Variants in HCN1 observed in about 807,000 individuals in gnomAD.
The protein encoded by HCN1 is potassium/sodium hyperpolarization-activated cyclic nucleotide-gated channel 1.
A neutral mutation model predicts 78.9 loss-of-function variants in HCN1; 13 were observed. The observed-to-expected ratio is 0.16, with a 90% CI of 0.11 to 0.26. The LOEUF (loss-of-function observed/expected upper bound fraction) is 0.26. Ranked by LOEUF, HCN1 falls within the 10% of genes least tolerant of loss-of-function variation. The pLI, the probability that HCN1 is intolerant of heterozygous loss-of-function variation, is 1.00. For synonymous variants in HCN1, 552 were observed against 455.5 expected, an observed-to-expected ratio of 1.21 and a Z score of -2.70; for missense variants, 810 against 1,154.3, an observed-to-expected ratio of 0.70 and a Z score of 4.32.
chr5:45,465,954 A>G (rs1741262629), intron 2 of HCN1, among the ~76,000 whole-genome samples: 1 of 152,144 alleles, frequency 6.6e-6, no homozygotes. Flanking sequence ...AATTTTATTT[A>G]GTTGGAGTCC....
intron 3 of HCN1, among the ~76,000 whole-genome samples, chr5:45,440,847 A>G (rs1490326949): frequency 2.0e-5 from 3 of 152,196 alleles, no homozygotes; most frequent in African/African-American, 7.2e-5. Context: ...AGCCTCATTT[A>G]GCTTTTCACT....
intron 1 of HCN1, among the ~76,000 whole-genome samples, chr5:45,692,145 C>A (rs1184044347): frequency 6.6e-6 from 1 of 152,078 alleles, no homozygotes; most frequent in Non-Finnish European, 1.5e-5. Flanking sequence ...ATAAATTCTT[C>A]CAAGATAAAT....
At chr5:45,310,398 A>C (rs1243633619) in intron 5 of HCN1, among the ~76,000 whole-genome samples, 1 of 152,180 alleles carries the variant, frequency 6.6e-6, no homozygotes, top group African/African-American at 2.4e-5. Flanking sequence ...CATGTGGCCA[A>C]CAAGCATATG....
intron 2 of HCN1, 53 bp from the exon 3 acceptor site, chr5:45,462,060 A>G: frequency 7.1e-7 from 1 of 1,415,086 alleles, no homozygotes; most frequent in Non-Finnish European, 9.9e-7. Flanking sequence ...TAGAAAAATC[A>G]AGCATACTAC....
At chr5:45,595,694 A>G (rs564504879) in intron 2 of HCN1, among the ~76,000 whole-genome samples, 12 of 152,174 alleles carry the variant, frequency 7.9e-5, no homozygotes, top group African/African-American at 2.4e-4. Context: ...CTTCCCCTTA[A>G]GGAGCTATAT....
At chr5:45,341,696 G>T (rs907356714) in intron 5 of HCN1, among the ~76,000 whole-genome samples, 1 of 152,160 alleles carries the variant, frequency 6.6e-6, no homozygotes, top group Non-Finnish European at 1.5e-5. Flanking sequence ...GGTAAAGGCT[G>T]CAGTGAGCTA....
chr5:45,554,750 T>A (rs1352040485), intron 2 of HCN1, among the ~76,000 whole-genome samples: 1 of 151,716 alleles, frequency 6.6e-6, no homozygotes, highest in Non-Finnish European at 1.5e-5. Flanking sequence ...GTATGTGAAA[T>A]TTTGCTAAGG....
intron 6 of HCN1, among the ~76,000 whole-genome samples, chr5:45,287,719 C>T (rs758882399): frequency 2.6e-5 from 4 of 152,038 alleles, no homozygotes; most frequent in African/African-American, 2.4e-5. Context: ...CACACACACA[C>T]ATTGATATAG....
chr5:45,301,715 T>C (rs979725429), intron 6 of HCN1, among the ~76,000 whole-genome samples: 59 of 138,816 alleles, frequency 4.3e-4, no homozygotes, highest in African/African-American at 1.6e-3. Context: ...AGAGATACCC[T>C]GTCATTTAAA....
intron 2 of HCN1, among the ~76,000 whole-genome samples, chr5:45,583,236 T>C (rs997430737): frequency 3.3e-5 from 5 of 152,220 alleles, no homozygotes; most frequent in African/African-American, 1.2e-4. Flanking sequence ...ATTCAACTTC[T>C]TACTGGTTTA....
chr5:45,597,396 C>T (rs1042995234), intron 2 of HCN1, among the ~76,000 whole-genome samples: 6 of 152,260 alleles, frequency 3.9e-5, no homozygotes, highest in Non-Finnish European at 8.8e-5. Context: ...TCTCAATAAA[C>T]TAGGTATTGA....
At chr5:45,496,203 A>G (rs1167674007) in intron 2 of HCN1, among the ~76,000 whole-genome samples, 1 of 152,150 alleles carries the variant, frequency 6.6e-6, no homozygotes, top group African/African-American at 2.4e-5. Flanking sequence ...TACCTGTGGT[A>G]GAATTTGGCT....
chr5:45,641,662 C>T (rs1427093487), intron 2 of HCN1: 1 of 152,080 alleles, frequency 6.6e-6, no homozygotes, highest in Non-Finnish European at 1.5e-5. Context: ...TTATCTATGA[C>T]ATTAAGTCCT....
chr5:45,545,913 T>C (rs1033776268), intron 2 of HCN1, among the ~76,000 whole-genome samples: 2 of 152,014 alleles, frequency 1.3e-5, no homozygotes, highest in African/African-American at 2.4e-5. Flanking sequence ...GTGTTTTAGC[T>C]TCATTCAGAA....
intron 2 of HCN1, among the ~76,000 whole-genome samples, chr5:45,548,101 C>T (rs1743266732): frequency 1.3e-5 from 2 of 151,740 alleles, no homozygotes; most frequent in African/African-American, 4.8e-5. Flanking sequence ...CTACTAATTT[C>T]CTTTATTCAG....
At chr5:45,649,345 A>G (rs183000770) in intron 1 of HCN1, among the ~76,000 whole-genome samples, 1 of 152,128 alleles carries the variant, frequency 6.6e-6, no homozygotes, top group Non-Finnish European at 1.5e-5. Flanking sequence ...CTACACATAT[A>G]TAGTCCCTCC....
chr5:45,464,592 G>A (rs927207776), intron 2 of HCN1, among the ~76,000 whole-genome samples: 2 of 152,102 alleles, frequency 1.3e-5, no homozygotes, highest in African/African-American at 4.8e-5. Flanking sequence ...TAATAGCAGA[G>A]GCAAATTTCA....
At chr5:45,429,934 A>G (rs1267858688) in intron 3 of HCN1, among the ~76,000 whole-genome samples, 2 of 152,164 alleles carry the variant, frequency 1.3e-5, no homozygotes, top group Non-Finnish European at 2.9e-5. Context: ...AGTTAACAGT[A>G]CAGTAATGAT....
chr5:45,439,818 G>C (rs938683944), intron 3 of HCN1, among the ~76,000 whole-genome samples: 1 of 151,554 alleles, frequency 6.6e-6, no homozygotes, highest in Non-Finnish European at 1.5e-5. Context: ...CAAACTTCCT[G>C]GAACAGATGA....
Sources: allele counts gnomAD v4.1 joint callset (sites outside exome capture counted in the v4.1 genomes callset), GRCh38; gene constraint gnomAD v4.1.1; transcripts MANE v1.5; gene names NCBI Gene and HGNC (gene_info 2026-07-23, HGNC 2026-07-21).